Variants in KCNIP1 observed in about 807,000 individuals in gnomAD.
KCNIP1 encodes A-type potassium channel modulatory protein KCNIP1.
In KCNIP1, 18 loss-of-function variants were observed where a neutral mutation model predicts 33.0. The observed-to-expected ratio is 0.55, with a 90% confidence interval of 0.38 to 0.81. The LOEUF (loss-of-function observed/expected upper bound fraction) is 0.81. Among genes scored for constraint, KCNIP1 ranks in the 30% least tolerant of loss-of-function variants. The pLI, the probability that KCNIP1 is intolerant of heterozygous loss-of-function variation, is 0.00. For missense variants in KCNIP1, 238 were observed against 271.6 expected, an observed-to-expected ratio of 0.88 and a Z score of 0.87; for synonymous variants, 93 against 98.3, an observed-to-expected ratio of 0.95 and a Z score of 0.32.
chr5:170,418,613 A>G (rs1288488388), intron 1 of KCNIP1, among the ~76,000 whole-genome samples: 2 of 152,134 alleles, frequency 1.3e-5, no homozygotes, highest in Non-Finnish European at 2.9e-5. Context: ...TGCCCATGGG[A>G]TCAAAACCAA....
chr5:170,393,839 T>C (rs547393287), intron 1 of KCNIP1, among the ~76,000 whole-genome samples: 2 of 152,312 alleles, frequency 1.3e-5, no homozygotes, highest in South Asian at 4.1e-4. Flanking sequence ...CCTGCCATGC[T>C]GTTAACATAA....
chr5:170,664,413 G>A (rs1391791762), intron 1 of KCNIP1, among the ~76,000 whole-genome samples: 1 of 152,098 alleles, frequency 6.6e-6, no homozygotes, highest in African/African-American at 2.4e-5. Flanking sequence ...CCCTGTGCAA[G>A]TGCTCATCTC....
At chr5:170,502,371 T>A (rs1757431171), upstream of KCNIP1, among the ~76,000 whole-genome samples, 1 of 152,212 alleles carries the variant, frequency 6.6e-6, no homozygotes, top group South Asian at 2.1e-4. Context: ...AGTCACAGGC[T>A]ACCTGTGGCC....
intron 1 of KCNIP1, among the ~76,000 whole-genome samples, chr5:170,369,822 G>A (rs7726887): frequency 0.34 from 51,742 of 152,124 alleles, 9,128 homozygotes; most frequent in Admixed American, 0.39. Flanking sequence ...TTCTGGGCCA[G>A]GAGGTTGGCC....
At chr5:170,441,309 G>A (rs924171263) in intron 1 of KCNIP1, among the ~76,000 whole-genome samples, 12 of 152,104 alleles carry the variant, frequency 7.9e-5, no homozygotes, top group African/African-American at 2.7e-4. Context: ...GCTTTGTAGA[G>A]AGGCTTTGTG....
At position 170,489,460 on chromosome 5, in the gene KCNIP1, C is replaced by T. The variant is rs1757161851; in HGVS notation, c.88+135496C>T. ...CTCCCTCAGTGTCCTGGAAAGGCCC[C>T]AGGGCTGCCCCAACCCCTGACCTCT... On this transcript the variant is annotated intron_variant, in intron 1 of 7. Coordinates refer to the KCNIP1 transcript ENST00000377360. The surrounding 1 kb of genome is among the most constrained non-coding windows in gnomAD (Gnocchi z 4.3). Among the ~76,000 whole-genome samples, 1 of 150,598 alleles carries T rather than the reference C, an allele frequency of 6.6e-6. No individual in the cohort carries two copies. The highest frequency in any genetic ancestry group is 2.4e-5 in the African/African-American group (1 of 41,380).
At chr5:170,424,475 C>A (rs1367379338) in intron 1 of KCNIP1, among the ~76,000 whole-genome samples, 1 of 152,066 alleles carries the variant, frequency 6.6e-6, no homozygotes, top group African/African-American at 2.4e-5. Context: ...TGCATCCCAC[C>A]CCGAGGCTCC....
chr5:170,644,772 C>A (rs1389932407), intron 1 of KCNIP1, among the ~76,000 whole-genome samples: 1 of 152,254 alleles, frequency 6.6e-6, no homozygotes, highest in East Asian at 1.9e-4. Flanking sequence ...AAGTCACAGG[C>A]ATTTCAGCAA....
At chr5:170,511,870 C>A (rs1316820977) in intron 1 of KCNIP1, among the ~76,000 whole-genome samples, 1 of 152,170 alleles carries the variant, frequency 6.6e-6, no homozygotes, top group African/African-American at 2.4e-5. Context: ...GCCTCTGGAA[C>A]CTTAGGGACC....
intron 1 of KCNIP1, among the ~76,000 whole-genome samples, chr5:170,412,235 A>AT (rs1308251896): frequency 1.7e-4 from 3 of 17,984 alleles, no homozygotes; most frequent in African/African-American, 4.1e-4. Context: ...TTGGCTTTCC[A>AT]TTTTTTTTTA....
chr5:170,608,246 A>T (rs1759008914), intron 1 of KCNIP1, among the ~76,000 whole-genome samples: 1 of 152,228 alleles, frequency 6.6e-6, no homozygotes, highest in African/African-American at 2.4e-5. Flanking sequence ...TGCTGCTGAG[A>T]GCTGCTGATA....
intron 1 of KCNIP1, among the ~76,000 whole-genome samples, chr5:170,589,772 GGTGTGGTGTGATGTGATGTGGT>G (rs1758150274): frequency 6.9e-6 from 1 of 145,842 alleles, no homozygotes; most frequent in African/African-American, 2.6e-5. Context: ...GGTGTGGTGT[GGTGTGGTGTGATGTGATGTGGT>G]GTGCGGTGCG....
intron 1 of KCNIP1, among the ~76,000 whole-genome samples, chr5:170,373,975 G>T (rs1452983219): frequency 2.6e-5 from 4 of 152,276 alleles, no homozygotes; most frequent in African/African-American, 4.8e-5. Flanking sequence ...CAGGAAGGTG[G>T]CACTTTGCTC....
chr5:170,516,885 G>A (rs998752482), intron 1 of KCNIP1, among the ~76,000 whole-genome samples: 2 of 152,208 alleles, frequency 1.3e-5, no homozygotes, highest in African/African-American at 4.8e-5. Context: ...ATAAGGCAGT[G>A]CATACGTGGT....
intron 1 of KCNIP1, chr5:170,378,382 C>A (rs558443995): frequency 3.9e-6 from 1 of 258,462 alleles, no homozygotes; most frequent in Non-Finnish European, 7.3e-6. Flanking sequence ...ACAGAGGTGA[C>A]GATCATCGTT....
intron 1 of KCNIP1, among the ~76,000 whole-genome samples, chr5:170,561,478 T>C (rs1206834424): frequency 1.3e-5 from 2 of 152,170 alleles, no homozygotes; most frequent in African/African-American, 2.4e-5. Context: ...GCTGGGCAAA[T>C]GGTGAAGGAG....
chr5:170,685,689 A>G (rs1762515012), intron 1 of KCNIP1, among the ~76,000 whole-genome samples: 1 of 151,974 alleles, frequency 6.6e-6, no homozygotes, highest in African/African-American at 2.4e-5. Context: ...TGGCTTCCCC[A>G]TGTTGACCAG....
intron 1 of KCNIP1, among the ~76,000 whole-genome samples, chr5:170,625,328 C>T (rs923476387): frequency 1.3e-5 from 2 of 152,166 alleles, no homozygotes; most frequent in Admixed American, 6.5e-5. Flanking sequence ...CCCAGACAAC[C>T]CCAAGCCCCA....
At chr5:170,630,081 G>T (rs4868003) in intron 1 of KCNIP1, among the ~76,000 whole-genome samples, 90,205 of 152,040 alleles carry the variant, frequency 0.59, 27,255 homozygotes, top group African/African-American at 0.69. Flanking sequence ...CAAAGAGCAG[G>T]ACTGAGTCCC....
Sources: gnomAD v4.1 joint callset for allele counts (sites outside exome capture counted in the v4.1 genomes callset) on GRCh38, gnomAD v4.1.1 for gene constraint, Gnocchi (gnomAD v3.1) non-coding constraint, MANE v1.5 for transcripts, NCBI Gene and HGNC (gene_info 2026-07-23, HGNC 2026-07-21) for gene names.